Variants in NDRG3 observed in about 807,000 individuals in gnomAD.
NDRG3 encodes the protein protein NDRG3.
In NDRG3, 23 loss-of-function variants were observed where a neutral mutation model predicts 57.2. The observed-to-expected ratio is 0.40, with a 90% CI of 0.29 to 0.57. The LOEUF (loss-of-function observed/expected upper bound fraction) is 0.57. Ranked by LOEUF, NDRG3 falls within the 20% of genes least tolerant of loss-of-function variation. NDRG3 has a pLI of 0.42. For synonymous variants in NDRG3, 132 were observed against 162.6 expected (o/e 0.81, Z 1.43); for missense variants, 384 against 457.3 (o/e 0.84, Z 1.46).
chr20:36,700,679 C>T, intron 3 of NDRG3: 1 of 322,188 alleles, frequency 3.1e-6, no homozygotes. Context: ...ACACAATGAG[C>T]CTGTGCTCAA....
intron 1 of NDRG3, among the ~76,000 whole-genome samples, chr20:36,728,730 G>C (rs924412732): frequency 6.6e-6 from 1 of 151,278 alleles, no homozygotes; most frequent in African/African-American, 2.4e-5. Flanking sequence ...TTGTTTTTTT[G>C]GGGGGGAGGT....
At chr20:36,697,393 G>C (rs911589301) in intron 3 of NDRG3, among the ~76,000 whole-genome samples, 1 of 151,932 alleles carries the variant, frequency 6.6e-6, no homozygotes, top group Non-Finnish European at 1.5e-5. Flanking sequence ...CCCAAGAATA[G>C]GGCACTTTTG....
chr20:36,688,687 C>A lies in NDRG3; in HGVS notation c.191G>T (p.Gly64Val), dbSNP rs1390514605. 1 of 1,610,014 alleles carries A rather than the reference C, an allele frequency of 6.2e-7. No individual in the cohort carries two copies. The change falls in exon 4 of 16, where the codon GGC becomes GTC. Residue 64 changes from glycine to valine, a missense_variant. By Grantham distance (109) the Gly-to-Val change is moderately radical (BLOSUM62 -3). Coordinates refer to ENST00000349004, the MANE Select transcript of NDRG3 (RefSeq NM_032013.4). The part of the protein sequence containing the change: ...RPVILTYHDI[G>V]LNHKSCFNAF... ...TAAAATAAAATACATACGGTTGAGG[C>A]CAATGTCATGATATGTTAGTATAAC...
At chr20:36,688,896 T>C in intron 3 of NDRG3, 112 bp from the exon 4 acceptor site, 1 of 767,088 alleles carries the variant, frequency 1.3e-6, no homozygotes, top group Admixed American at 2.0e-5. Context: ...GCAGGACACA[T>C]TAATAAATTA....
At chr20:36,682,645 A>G in intron 6 of NDRG3, 67 bp from the exon 7 acceptor site, 2 of 1,357,932 alleles carry the variant, frequency 1.5e-6, no homozygotes, top group Non-Finnish European at 2.1e-6. Flanking sequence ...GCATAATTGA[A>G]AGCATACAAC....
At chr20:36,729,667 A>C (rs987108471) in intron 1 of NDRG3, among the ~76,000 whole-genome samples, 10 of 152,006 alleles carry the variant, frequency 6.6e-5, no homozygotes, top group African/African-American at 2.4e-4. Flanking sequence ...AGCTGGGACC[A>C]CAGGCACACG....
At chr20:36,660,835 C>T (rs1371916655) in intron 12 of NDRG3, among the ~76,000 whole-genome samples, 2 of 152,168 alleles carry the variant, frequency 1.3e-5, no homozygotes, top group Admixed American at 1.3e-4. Context: ...GCTGGGATTA[C>T]AGGCGTGAGC....
chr20:36,685,952 G>A (rs527777740), intron 5 of NDRG3, among the ~76,000 whole-genome samples: 1 of 152,318 alleles, frequency 6.6e-6, no homozygotes, highest in South Asian at 2.1e-4. Flanking sequence ...TGAGGCTGCA[G>A]TAAGCCATGA....
At chr20:36,661,043 G>A (rs1033741864) in intron 12 of NDRG3, among the ~76,000 whole-genome samples, 2 of 152,152 alleles carry the variant, frequency 1.3e-5, no homozygotes, top group Non-Finnish European at 2.9e-5. Context: ...GGACTGGACC[G>A]TGGGTCCTCT....
intron 12 of NDRG3, among the ~76,000 whole-genome samples, chr20:36,660,709 C>G (rs1467664066): frequency 2.0e-5 from 3 of 151,726 alleles, no homozygotes; most frequent in Non-Finnish European, 4.4e-5. Flanking sequence ...TACAGGCGCC[C>G]GCTACCACGC....
At chr20:36,720,061 T>C (rs1243163288) in intron 2 of NDRG3, among the ~76,000 whole-genome samples, 1 of 149,910 alleles carries the variant, frequency 6.7e-6, no homozygotes, top group Non-Finnish European at 1.5e-5. Context: ...GAGCCGAGAT[T>C]GTACCACTGC....
intron 1 of NDRG3, among the ~76,000 whole-genome samples, chr20:36,743,543 G>C (rs1405976777): frequency 6.6e-6 from 1 of 151,178 alleles, no homozygotes; most frequent in Non-Finnish European, 1.5e-5. Flanking sequence ...GGCCTGGCTT[G>C]GTGGCTCACG....
At chr20:36,721,912 A>G in intron 1 of NDRG3, 129 bp from the exon 2 acceptor site, 1 of 541,030 alleles carries the variant, frequency 1.8e-6, no homozygotes, top group Non-Finnish European at 3.2e-6. Flanking sequence ...GGTGCTAAAG[A>G]CACATAGTTA....
At chr20:36,682,336 T>G (rs1209628907) in intron 7 of NDRG3, among the ~76,000 whole-genome samples, 182 bp downstream of exon 7, 1 of 152,214 alleles carries the variant, frequency 6.6e-6, no homozygotes, top group Admixed American at 6.5e-5. Context: ...TCCCCATTTG[T>G]GATTTTTCAG....
chr20:36,709,143 G>A (rs1983726221), intron 2 of NDRG3, among the ~76,000 whole-genome samples: 2 of 152,268 alleles, frequency 1.3e-5, no homozygotes, highest in Admixed American at 6.6e-5. Flanking sequence ...ATCTAGAGCT[G>A]CACTATCCAG....
chr20:36,712,046 G>A (rs1568659929), intron 2 of NDRG3, among the ~76,000 whole-genome samples: 1 of 152,084 alleles, frequency 6.6e-6, no homozygotes, highest in East Asian at 1.9e-4. Flanking sequence ...CCAAAGTGCT[G>A]GGATTACAGG....
At chr20:36,663,917 T>A (rs1395045303) in intron 12 of NDRG3, among the ~76,000 whole-genome samples, 1 of 152,088 alleles carries the variant, frequency 6.6e-6, no homozygotes, top group African/African-American at 2.4e-5. Flanking sequence ...TTTGAGCAAT[T>A]CTCCTGTCTC....
intron 1 of NDRG3, among the ~76,000 whole-genome samples, chr20:36,723,059 A>G (rs1451463829): frequency 1.3e-5 from 2 of 152,182 alleles, no homozygotes; most frequent in Non-Finnish European, 2.9e-5. Context: ...CTCCAGCCCC[A>G]GTCAAGAGTT....
intron 2 of NDRG3, among the ~76,000 whole-genome samples, chr20:36,718,581 T>G (rs772440629): frequency 6.6e-6 from 1 of 152,180 alleles, no homozygotes; most frequent in Non-Finnish European, 1.5e-5. Flanking sequence ...CTAGAAGGGT[T>G]CAGTTTCTCA....
Sources: gnomAD v4.1 joint callset for allele counts (sites outside exome capture counted in the v4.1 genomes callset) on GRCh38, gnomAD v4.1.1 for gene constraint, MANE v1.5 for transcripts, NCBI Gene and HGNC (gene_info 2026-07-23, HGNC 2026-07-21) for gene names.